The following MINPP1 variants were observed in gnomAD, a reference collection of about 807,000 sequenced individuals.
MINPP1 encodes the protein multiple inositol-polyphosphate phosphatase 1.
Under a neutral mutation model 46.1 loss-of-function variants are expected in MINPP1, and 28 were observed. The ratio of observed to expected loss-of-function variants is 0.61; its 90% CI spans 0.45 to 0.83. MINPP1 has a LOEUF of 0.83. Ranked by LOEUF, MINPP1 falls within the 40% of genes least tolerant of loss-of-function variation. The pLI is 0.00. For synonymous variants in MINPP1, 268 were observed against 249.1 expected (o/e 1.08, Z -0.72); for missense variants, 603 against 610.0 (o/e 0.99, Z 0.12).
Position 87,539,905 on chromosome 10 carries a change from C to G in MINPP1, c.1068-12177C>G, listed in dbSNP as rs141333547. Among the ~76,000 whole-genome samples the G allele has an allele frequency of 2.6e-5, 4 of 152,356 alleles. No homozygotes were observed. In the East Asian group the frequency reaches 7.7e-4, roughly 29 times the overall value. On this transcript the variant is annotated intron_variant, in intron 4 of 4. Coordinates refer to ENST00000371996, the MANE Select transcript of MINPP1 (RefSeq NM_004897.5). ...GTTTGTTTTGAGACAAGGTCTTACTCTGACACCCTGGAGTGCAGTGGCGTA... is the reference window on the plus strand; with the variant it reads ...GTTTGTTTTGAGACAAGGTCTTACTGTGACACCCTGGAGTGCAGTGGCGTA...
chr10:87,551,643 G>A (rs916212729), intron 4 of MINPP1, among the ~76,000 whole-genome samples: 19 of 151,938 alleles, frequency 1.3e-4, no homozygotes, highest in African/African-American at 4.6e-4. Context: ...AATATTGCTT[G>A]TTCTTATTCC....
chr10:87,520,461 T>A (rs1851484187), intron 3 of MINPP1, among the ~76,000 whole-genome samples: 1 of 152,154 alleles, frequency 6.6e-6, no homozygotes, highest in South Asian at 2.1e-4. Flanking sequence ...CTTCCAACAG[T>A]ACCCATTTCC....
intron 4 of MINPP1, among the ~76,000 whole-genome samples, chr10:87,521,730 A>G (rs1030331277): frequency 6.6e-6 from 1 of 152,202 alleles, no homozygotes; most frequent in East Asian, 1.9e-4. Flanking sequence ...GATAGTTCCT[A>G]TCTTTTGCTG....
intron 4 of MINPP1, among the ~76,000 whole-genome samples, chr10:87,526,954 T>C (rs1381165085): frequency 6.6e-6 from 1 of 152,206 alleles, no homozygotes; most frequent in East Asian, 1.9e-4. Context: ...TGTAGACTTG[T>C]AGTGTAGTTT....
At chr10:87,514,064 T>C (rs1851375499) in intron 3 of MINPP1, among the ~76,000 whole-genome samples, 1 of 152,176 alleles carries the variant, frequency 6.6e-6, no homozygotes, top group Admixed American at 6.5e-5. Flanking sequence ...CCCACCTAGA[T>C]AGTCCAGGAT....
intron 4 of MINPP1, among the ~76,000 whole-genome samples, chr10:87,523,900 A>G (rs909547385): frequency 1.3e-5 from 2 of 152,204 alleles, no homozygotes; most frequent in African/African-American, 4.8e-5. Flanking sequence ...CCAGTAAGCC[A>G]TGCTGTGTAA....
chr10:87,538,862 T>C (rs540326644), intron 4 of MINPP1, among the ~76,000 whole-genome samples: 2 of 152,340 alleles, frequency 1.3e-5, no homozygotes, highest in South Asian at 4.1e-4. Context: ...CTTAGAAAGA[T>C]CTAGCTGAGT....
chr10:87,512,881 T>C (rs1389397498), intron 2 of MINPP1, among the ~76,000 whole-genome samples: 1 of 152,186 alleles, frequency 6.6e-6, no homozygotes, highest in African/African-American at 2.4e-5. Flanking sequence ...TTCTTAGTTT[T>C]ATTGGGCTGA....
intron 1 of MINPP1, among the ~76,000 whole-genome samples, chr10:87,506,386 C>G (rs1420510252): frequency 6.6e-6 from 1 of 152,090 alleles, no homozygotes; most frequent in Non-Finnish European, 1.5e-5. Context: ...GTAATAGTTA[C>G]AAATAATAAT....
At chr10:87,537,510 TTTGTGTGTGTGTG>T (rs1405008261) in intron 4 of MINPP1, among the ~76,000 whole-genome samples, 90 of 117,844 alleles carry the variant, frequency 7.6e-4, no homozygotes, top group African/African-American at 4.4e-3. Context: ...TTTATTACTG[TTTGTGTGTGTGTG>T]TGTGTGTGTG....
At chr10:87,522,115 C>T (rs1480267405) in intron 4 of MINPP1, among the ~76,000 whole-genome samples, 1 of 151,954 alleles carries the variant, frequency 6.6e-6, no homozygotes, top group African/African-American at 2.4e-5. Flanking sequence ...GGTAGTTATG[C>T]TTCAGTAAAA....
In MINPP1 at chr10:87,505,469, A is replaced by G; in HGVS notation, c.554A>G (p.His185Arg). ...CTGCGGCTCATCACCAGTTCCAAGC[A>G]CCGCTGCATGGATAGCAGCGCCGCC... ...GRLRLITSSK[H>R]RCMDSSAAFL... is the part of the protein sequence containing the mutation. Residue 185 changes from histidine to arginine, a missense_variant, in exon 1 of 5, where the codon CAC becomes CGC. Around this residue, in one of 3 missense-constraint regions of MINPP1, gnomAD observed 344 missense variants for 381.1 expected, o/e 0.90. Transcript: ENST00000371996. This position sits in a 1 kb window ranked among gnomAD's most constrained non-coding sequence, Gnocchi z 4.4. The G allele has an allele frequency of 6.2e-7, 1 of 1,612,880 alleles. No homozygotes were observed. The highest frequency in any genetic ancestry group is 8.5e-7 in the Non-Finnish European group (1 of 1,179,406).
intron 4 of MINPP1, among the ~76,000 whole-genome samples, chr10:87,537,447 A>G (rs1851751930): frequency 6.6e-6 from 1 of 150,822 alleles, no homozygotes; most frequent in South Asian, 2.1e-4. Context: ...ATTTACATCT[A>G]TATATCTAGT....
At chr10:87,527,372 G>GTT (rs1352021244) in intron 4 of MINPP1, among the ~76,000 whole-genome samples, 2 of 152,170 alleles carry the variant, frequency 1.3e-5, no homozygotes, top group African/African-American at 4.8e-5. Context: ...AATGCTTCCA[G>GTT]TTTTTGCCCA....
chr10:87,547,474 T>G (rs1851904099), intron 4 of MINPP1, among the ~76,000 whole-genome samples: 1 of 152,316 alleles, frequency 6.6e-6, no homozygotes, highest in African/African-American at 2.4e-5. Context: ...TTTACTCTAC[T>G]CCTCATAAAC....
intron 1 of MINPP1, among the ~76,000 whole-genome samples, chr10:87,506,553 T>G (rs1196720154): frequency 6.6e-6 from 1 of 152,224 alleles, no homozygotes; most frequent in Non-Finnish European, 1.5e-5. Context: ...CCCATTTTCA[T>G]ACAGCTAGCT....
intron 4 of MINPP1, among the ~76,000 whole-genome samples, chr10:87,523,282 C>G (rs1366622960): frequency 2.0e-4 from 30 of 152,114 alleles, no homozygotes; most frequent in Admixed American, 2.0e-3. Flanking sequence ...AAAGGCATCA[C>G]TGTCTATGAC....
At chr10:87,551,184 TTGTG>T (rs925486916) in intron 4 of MINPP1, among the ~76,000 whole-genome samples, 1 of 152,038 alleles carries the variant, frequency 6.6e-6, no homozygotes, top group African/African-American at 2.4e-5. Flanking sequence ...CTTGCTGTGT[TTGTG>T]TGTGTTGGGG....
chr10:87,535,239 C>G (rs1186771123), intron 4 of MINPP1, among the ~76,000 whole-genome samples: 2 of 152,144 alleles, frequency 1.3e-5, no homozygotes, highest in Non-Finnish European at 2.9e-5. Context: ...CGTTTCCTAA[C>G]CAAAATTTTG....
Sources: gnomAD v4.1 joint callset for allele counts (sites outside exome capture counted in the v4.1 genomes callset) on GRCh38, gnomAD v4.1.1 for gene constraint, gnomAD v4.1.1 regional missense constraint, Gnocchi (gnomAD v3.1) non-coding constraint, MANE v1.5 for transcripts, NCBI Gene and HGNC (gene_info 2026-07-23, HGNC 2026-07-21) for gene names.